GPC5: variants seen among roughly 807,000 people sequenced by gnomAD.
GPC5 encodes the protein glypican-5.
A neutral mutation model predicts 53.9 loss-of-function variants in GPC5; 47 were observed. That is an observed-to-expected ratio of 0.87 (90% CI 0.69 to 1.11). The LOEUF is 1.11. GPC5 is among the 50% of genes most tolerant of loss of function. The pLI, the probability that GPC5 is intolerant of heterozygous loss-of-function variation, is 0.00. For synonymous variants in GPC5, 286 were observed against 263.3 expected (o/e 1.09, Z -0.84); for missense variants, 748 against 713.1 (o/e 1.05, Z -0.56).
chr13:92,057,520 A>T (rs2041085407), intron 6 of GPC5, among the ~76,000 whole-genome samples: 1 of 152,134 alleles, frequency 6.6e-6, no homozygotes, highest in South Asian at 2.1e-4. Context: ...TAGTACATTG[A>T]ATTTAGTAAT....
intron 7 of GPC5, among the ~76,000 whole-genome samples, chr13:92,596,401 ATCT>A (rs553975666): frequency 1.1e-4 from 16 of 152,080 alleles, no homozygotes; most frequent in Non-Finnish European, 2.2e-4. Flanking sequence ...TAAAATGAAG[ATCT>A]TCTCCTAAAT....
chr13:91,699,823 C>T (rs1266345213), intron 3 of GPC5, among the ~76,000 whole-genome samples: 1 of 152,162 alleles, frequency 6.6e-6, no homozygotes, highest in African/African-American at 2.4e-5. Flanking sequence ...GGTTTTCACC[C>T]ACCGACTTCT....
At chr13:91,726,449 A>C (rs1217795623) in intron 3 of GPC5, among the ~76,000 whole-genome samples, 2 of 152,188 alleles carry the variant, frequency 1.3e-5, no homozygotes, top group Non-Finnish European at 2.9e-5. Context: ...GCTTTTATCT[A>C]AAAAATAAAG....
intron 7 of GPC5, among the ~76,000 whole-genome samples, chr13:92,704,822 CATAT>C (rs1225055051): frequency 1.5e-5 from 2 of 137,460 alleles, no homozygotes; most frequent in African/African-American, 5.3e-5. Context: ...TATATACTTA[CATAT>C]ATATACACAC....
At chr13:92,393,896 A>G (rs1213033334) in intron 7 of GPC5, among the ~76,000 whole-genome samples, 1 of 152,064 alleles carries the variant, frequency 6.6e-6, no homozygotes, top group Non-Finnish European at 1.5e-5. Flanking sequence ...ATTTCAGTTA[A>G]AATTTATTAT....
chr13:91,973,218 C>T (rs186282027), intron 6 of GPC5, among the ~76,000 whole-genome samples: 4 of 152,226 alleles, frequency 2.6e-5, no homozygotes, highest in African/African-American at 7.2e-5. Flanking sequence ...TCATTCATTT[C>T]GTCTTCCATC....
chr13:91,913,846 T>C (rs1001474510), intron 6 of GPC5, among the ~76,000 whole-genome samples: 2 of 152,206 alleles, frequency 1.3e-5, no homozygotes, highest in African/African-American at 4.8e-5. Context: ...TTAAATGTGG[T>C]ATATCCAATG....
chr13:92,546,850 C>T (rs1882135488), intron 7 of GPC5, among the ~76,000 whole-genome samples: 1 of 152,114 alleles, frequency 6.6e-6, no homozygotes, highest in Non-Finnish European at 1.5e-5. Flanking sequence ...ACAGAGCCCT[C>T]AGAAATAATG....
At chr13:92,679,392 A>G (rs1887046878) in intron 7 of GPC5, among the ~76,000 whole-genome samples, 1 of 152,114 alleles carries the variant, frequency 6.6e-6, no homozygotes, top group Non-Finnish European at 1.5e-5. Flanking sequence ...TATTAGCAGG[A>G]TTTTTCATGT....
rs202227369 is a variant in GPC5 at position 92,474,160 on chromosome 13, T to C, written c.1561+329171T>C. On this transcript the variant is annotated intron_variant, in intron 7 of 7. Transcript: ENST00000377067. ...AGCCATTGATCTGTTTTTTTTTTTT[T>C]CCCACAATTCTCCTCTGTCCTTTTG... Among the ~76,000 whole-genome samples the C allele has an allele frequency of 1.7e-3, 248 of 142,474 alleles. 1 individual carries two copies. The highest frequency in any genetic ancestry group is 2.9e-3 in the Non-Finnish European group (192 of 65,232). 93.5% of individuals were successfully genotyped at this position (142,474 alleles called of 152,430 possible).
chr13:92,823,535 C>A lies in GPC5; in HGVS notation c.1562-42747C>A, dbSNP rs981616411. On this transcript the variant is annotated intron_variant, in intron 7 of 7. Transcript: ENST00000377067. ...GAGTGTACTACCATGTTCATTATAT[C>A]TGTTTAGTATTAATGACCGATTAAC... 3.0e-4 allele frequency among the ~76,000 whole-genome samples: 45 copies of A among 152,032 alleles called. 1 individual carries two copies. The highest frequency in any genetic ancestry group is 2.9e-4 in the Non-Finnish European group (20 of 67,956).
chr13:92,070,397 G>T (rs1380762723), intron 6 of GPC5, among the ~76,000 whole-genome samples: 1 of 152,036 alleles, frequency 6.6e-6, no homozygotes, highest in Non-Finnish European at 1.5e-5. Flanking sequence ...CATCTCCTCT[G>T]CCGTGAAAAC....
intron 5 of GPC5, among the ~76,000 whole-genome samples, chr13:91,858,437 C>T (rs906825824): frequency 6.6e-6 from 1 of 151,848 alleles, no homozygotes; most frequent in African/African-American, 2.4e-5. Context: ...CGGTTTTTGT[C>T]CTTCATTCTA....
intron 6 of GPC5, among the ~76,000 whole-genome samples, chr13:92,127,326 T>C (rs1197612516): frequency 6.6e-6 from 1 of 151,336 alleles, no homozygotes; most frequent in Non-Finnish European, 1.5e-5. Context: ...TATATGTGTA[T>C]GTGTATATAT....
At chr13:92,301,458 G>C (rs74107173) in intron 7 of GPC5, among the ~76,000 whole-genome samples, 2,199 of 152,262 alleles carry the variant, frequency 0.014, 60 homozygotes, top group African/African-American at 0.05. Context: ...AGAGAACTTA[G>C]GTTCTTGCAA....
At chr13:92,782,861 C>T (rs1876083850) in intron 7 of GPC5, among the ~76,000 whole-genome samples, 2 of 152,170 alleles carry the variant, frequency 1.3e-5, no homozygotes, top group Admixed American at 1.3e-4. Flanking sequence ...TCATAGCATG[C>T]TGTTTTAGAA....
At chr13:92,428,059 G>A (rs1368011636) in intron 7 of GPC5, among the ~76,000 whole-genome samples, 1 of 151,988 alleles carries the variant, frequency 6.6e-6, no homozygotes, top group Non-Finnish European at 1.5e-5. Flanking sequence ...GTTTTATTGA[G>A]TATTAATCAA....
At chr13:92,470,224 A>G (rs1012591720) in intron 7 of GPC5, among the ~76,000 whole-genome samples, 9 of 152,204 alleles carry the variant, frequency 5.9e-5, no homozygotes, top group Admixed American at 1.3e-4. Flanking sequence ...AAAGAGGTCT[A>G]CTATATAACA....
At chr13:91,954,213 GA>G (rs1337611329) in intron 6 of GPC5, among the ~76,000 whole-genome samples, 1 of 152,068 alleles carries the variant, frequency 6.6e-6, no homozygotes, top group Non-Finnish European at 1.5e-5. Flanking sequence ...AAGAAAAAGG[GA>G]TGGCTAGTCC....
Sources: allele counts gnomAD v4.1 joint callset (sites outside exome capture counted in the v4.1 genomes callset), GRCh38; gene constraint gnomAD v4.1.1; transcripts MANE v1.5; gene names NCBI Gene and HGNC (gene_info 2026-07-23, HGNC 2026-07-21).